DPYSL2: variants seen among roughly 807,000 people sequenced by gnomAD.
The protein encoded by DPYSL2 is dihydropyrimidinase like 2.
DPYSL2 carries 13 observed loss-of-function variants against 69.9 expected under a neutral mutation model. The ratio of observed to expected loss-of-function variants is 0.19; its 90% CI spans 0.12 to 0.30. The LOEUF (loss-of-function observed/expected upper bound fraction) is 0.30. DPYSL2 is among the 10% of genes least tolerant of loss of function. The pLI is 1.00. For synonymous variants in DPYSL2, 326 were observed against 359.1 expected, an observed-to-expected ratio of 0.91 and a Z score of 1.04; for missense variants, 587 against 918.9, an observed-to-expected ratio of 0.64 and a Z score of 4.67.
intron 1 of DPYSL2, among the ~76,000 whole-genome samples, chr8:26,558,416 G>A (rs1028269500): frequency 6.6e-6 from 1 of 152,216 alleles, no homozygotes; most frequent in Non-Finnish European, 1.5e-5. Context: ...TGTTTACCAT[G>A]GGCTTGGGGA....
intron 3 of DPYSL2, among the ~76,000 whole-genome samples, chr8:26,615,203 G>A (rs1267226421): frequency 2.0e-5 from 3 of 152,196 alleles, no homozygotes; most frequent in Non-Finnish European, 4.4e-5. Context: ...AGCTCAGGGG[G>A]CCGTTGCGAG....
chr8:26,617,939 G>A lies in DPYSL2; in HGVS notation c.629-6204G>A, dbSNP rs1802392829. Among the ~76,000 whole-genome samples, 1 of 152,144 alleles carries A rather than the reference G, an allele frequency of 6.6e-6. No individual in the cohort carries two copies. The highest frequency in any genetic ancestry group is 1.5e-5 in the Non-Finnish European group (1 of 68,028). ...ATTAGATTATTGCAATGGTTGTAAA[G>A]CTCTGTGAGTGAACTAAAAGCCACC... On this transcript the variant is annotated intron_variant, in intron 3 of 13. Coordinates refer to ENST00000521913, the MANE Select transcript of DPYSL2 (RefSeq NM_001197293.3). The surrounding 1 kb of genome is among the most constrained non-coding windows in gnomAD (Gnocchi z 4.7).
Position 26,583,807 on chromosome 8 carries a change from G to A in DPYSL2, c.452G>A (p.Gly151Glu). 1 of 1,610,312 alleles carries A rather than the reference G, an allele frequency of 6.2e-7. No individual in the cohort carries two copies. The highest frequency in any genetic ancestry group is 8.5e-7 in the Non-Finnish European group (1 of 1,178,512). ...CAACCCTGTTTATTTAGGCAAATAG[G>A]AGAAAATCTGATTGTGCCAGGAGGA... ...YMEDGLIKQI[G>E]ENLIVPGGVK... Residue 151 changes from glycine (G) to glutamate (E), a missense_variant, in exon 3 of 14, where the codon GGA (glycine) becomes GAA (glutamate). By Grantham distance (98) the Gly-to-Glu change is moderately conservative. Transcript: ENST00000521913.
At chr8:26,604,122 C>A (rs1265743058) in intron 3 of DPYSL2, among the ~76,000 whole-genome samples, 1 of 152,182 alleles carries the variant, frequency 6.6e-6, no homozygotes, top group Non-Finnish European at 1.5e-5. Flanking sequence ...CATTGCCTGG[C>A]ACATAATCAG....
At position 26,517,390 on chromosome 8, in the gene DPYSL2, C is replaced by T. The variant is rs759903767; in HGVS notation, c.354+2711C>T. On this transcript the variant is annotated intron_variant, in intron 1 of 13. Transcript: ENST00000521913. The surrounding 1 kb of genome is among the most constrained non-coding windows in gnomAD (Gnocchi z 4.2). ...CTTGACTCGGCATGTCAGATTTTGG[C>T]GGAGGAAAAGAGCTGGCATAGTGGT... Among the ~76,000 whole-genome samples, 12 of 152,260 alleles carry T rather than the reference C, an allele frequency of 7.9e-5. No homozygotes were observed. The highest frequency in any genetic ancestry group is 1.9e-4 in the African/African-American group (8 of 41,554).
chr8:26,602,138 A>ATTTTTTTTTTTTTTTTTTTTTTT (rs374443692), intron 3 of DPYSL2, among the ~76,000 whole-genome samples: 1 of 135,302 alleles, frequency 7.4e-6, no homozygotes, highest in Non-Finnish European at 1.6e-5. Context: ...AACAAAGGAA[A>ATTTTTTTTTTTTTTTTTTTTTTT]TTTTTTTTTT....
rs1283818548 is a variant in DPYSL2 at position 26,514,699 on chromosome 8, G to A, written c.354+20G>A. 2.2e-6 allele frequency: 3 copies of A among 1,374,354 alleles called. No individual in the cohort carries two copies. Among genetic ancestry groups the A allele is most frequent in the Admixed American group, 3.5e-5 (1 of 28,628 alleles). 85.1% of individuals were successfully genotyped at this position (1,374,354 alleles called of 1,614,324 possible). ...GACCAGGTCGGTGTGGGGGTTGGGG[G>A]TGGAGACGGAGGACGGGGCGCGGGG... On this transcript the variant is annotated intron_variant, in intron 1 of 13. Transcript: ENST00000521913. This position sits in a 1 kb window ranked among gnomAD's most constrained non-coding sequence, Gnocchi z 8.4.
In DPYSL2 at chr8:26,610,505, G is replaced by A. The variant is rs910269000; in HGVS notation, c.629-13638G>A. Among the ~76,000 whole-genome samples the A allele has an allele frequency of 1.3e-5, 2 of 152,098 alleles. No homozygotes were observed. The highest frequency in any genetic ancestry group is 4.8e-5 in the African/African-American group (2 of 41,402). ...GGACAGATTTGTCTTGTTTGTTTGG[G>A]TCGTATGCAGTTTCATGCAGAAGAC... On this transcript the variant is annotated intron_variant, in intron 3 of 13. Transcript: ENST00000521913. The surrounding 1 kb of genome is among the most constrained non-coding windows in gnomAD (Gnocchi z 4.5).
chr8:26,608,187 T>C (rs962679276), intron 3 of DPYSL2, among the ~76,000 whole-genome samples: 1 of 152,224 alleles, frequency 6.6e-6, no homozygotes, highest in African/African-American at 2.4e-5. Context: ...TTGATACTTT[T>C]TTAAAAAACA....
Position 26,571,057 on chromosome 8 carries a change from T to C in DPYSL2, c.355-10912T>C, listed in dbSNP as rs1171739278. Among the ~76,000 whole-genome samples, 1 of 152,178 alleles carries C rather than the reference T, an allele frequency of 6.6e-6. No individual in the cohort carries two copies. Among genetic ancestry groups the C allele is most frequent in the Admixed American group, 6.5e-5 (1 of 15,286 alleles). On this transcript the variant is annotated intron_variant, in intron 1 of 13. Coordinates refer to ENST00000521913, the MANE Select transcript of DPYSL2 (RefSeq NM_001197293.3). This position sits in a 1 kb window ranked among gnomAD's most constrained non-coding sequence, Gnocchi z 6.1. ...CAAGTGGAATGAGAGGGATAATATT[T>C]ACCACTCTTTCATAATGTTCCCCCT...
Position 26,588,232 on chromosome 8 carries a change from C to G in DPYSL2, c.628+4249C>G, listed in dbSNP as rs1454847496. Among the ~76,000 whole-genome samples, 1 of 152,228 alleles carries G rather than the reference C, an allele frequency of 6.6e-6. No homozygotes were observed. The highest frequency in any genetic ancestry group is 2.4e-5 in the African/African-American group (1 of 41,450). The stretch of plus-strand genomic sequence containing the variant: ...AGAAACAGGCTGAGCTGCCGTAGGG[C>G]TTGACCTGAGTATTCACTGAGAGCA... On this transcript the variant is annotated intron_variant, in intron 3 of 13. Transcript: ENST00000521913. The surrounding 1 kb of genome is among the most constrained non-coding windows in gnomAD (Gnocchi z 5.4).
intron 7 of DPYSL2, among the ~76,000 whole-genome samples, chr8:26,628,499 G>A (rs1802669020): frequency 6.6e-6 from 1 of 152,216 alleles, no homozygotes; most frequent in Non-Finnish European, 1.5e-5. Flanking sequence ...AGGTGTGTGA[G>A]TTCGAAGGGA....
In DPYSL2 at chr8:26,626,515, ACACACACG is replaced by A. The variant is rs2129912416; in HGVS notation, c.794-101_794-94del. 12 of 918,922 alleles carry A rather than the reference ACACACACG, an allele frequency of 1.3e-5. No individual in the cohort carries two copies. Among genetic ancestry groups the A allele is most frequent in the South Asian group, 1.2e-4 (8 of 66,998 alleles). 56.9% of individuals were successfully genotyped at this position (918,922 alleles called of 1,614,324 possible). On this transcript the variant is annotated intron_variant, in intron 4 of 13. Coordinates refer to ENST00000521913, the MANE Select transcript of DPYSL2 (RefSeq NM_001197293.3). This position sits in a 1 kb window ranked among gnomAD's most constrained non-coding sequence, Gnocchi z 4.3. ...CACACACACACACACACACACACAC[ACACACACG>A]TACACACACAGACAGTATTATCACT...
chr8:26,532,437 G>A (rs1360259346), intron 1 of DPYSL2, among the ~76,000 whole-genome samples: 8 of 152,114 alleles, frequency 5.3e-5, no homozygotes, highest in Admixed American at 5.2e-4. Flanking sequence ...TGGCTTTTAG[G>A]ATATTCACAA....
Position 26,643,697 on chromosome 8 carries a change from C to G in DPYSL2, c.1283+102C>G. 6.5e-7 allele frequency: 1 copy of G among 1,531,442 alleles called. No individual in the cohort carries two copies. Among genetic ancestry groups the G allele is most frequent in the South Asian group, 1.2e-5 (1 of 85,904 alleles). 94.9% of individuals were successfully genotyped at this position (1,531,442 alleles called of 1,614,324 possible). On this transcript the variant is annotated intron_variant, in intron 9 of 13. Transcript: ENST00000521913. This position sits in a 1 kb window ranked among gnomAD's most constrained non-coding sequence, Gnocchi z 6.5. ...ATGGTGGCCAAGAGCAGCCATAAAA[C>G]TGGGAGACCCTTGTTCACCAAACTA... is the stretch of plus-strand genomic sequence containing the variant.
intron 1 of DPYSL2, among the ~76,000 whole-genome samples, chr8:26,546,502 T>C (rs11787317): frequency 0.083 from 12,559 of 152,176 alleles, 718 homozygotes; most frequent in Non-Finnish European, 0.12. Flanking sequence ...ATTAGACACC[T>C]TTATATTTAT....
At chr8:26,577,406 G>C (rs1801375166) in intron 1 of DPYSL2, 1 of 155,194 alleles carries the variant, frequency 6.4e-6, no homozygotes, top group African/African-American at 2.4e-5. Context: ...AGGAGGGCCC[G>C]GGAGCCCTCC....
intron 7 of DPYSL2, among the ~76,000 whole-genome samples, chr8:26,633,448 A>G (rs1327950291): frequency 6.6e-6 from 1 of 152,212 alleles, no homozygotes; most frequent in African/African-American, 2.4e-5. Flanking sequence ...GATTTGAAAT[A>G]TCATTCATCT....
At chr8:26,552,273 A>G (rs1800884193) in intron 1 of DPYSL2, among the ~76,000 whole-genome samples, 1 of 152,250 alleles carries the variant, frequency 6.6e-6, no homozygotes, top group Non-Finnish European at 1.5e-5. Flanking sequence ...CATTAAACGC[A>G]TATATTAGAA....
Sources: allele counts gnomAD v4.1 joint callset (sites outside exome capture counted in the v4.1 genomes callset), GRCh38; gene constraint gnomAD v4.1.1; non-coding constraint Gnocchi (gnomAD v3.1); transcripts MANE v1.5; gene names NCBI Gene and HGNC (gene_info 2026-07-23, HGNC 2026-07-21).